Variants in ADAM28 observed in about 807,000 individuals in gnomAD.
ADAM28 encodes ADAM metallopeptidase domain 28, also known as disintegrin and metalloproteinase domain-containing protein 28.
A neutral mutation model predicts 101.2 loss-of-function variants in ADAM28; 105 were observed. The ratio of observed to expected loss-of-function variants is 1.04; its 90% CI spans 0.89 to 1.22. ADAM28 has a LOEUF of 1.22. Among genes scored for constraint, ADAM28 ranks in the 50% most tolerant of loss-of-function variants. The pLI, the probability that ADAM28 is intolerant of heterozygous loss-of-function variation, is 0.00. For missense variants in ADAM28, 1,028 were observed against 945.4 expected (o/e 1.09, Z -1.15); for synonymous variants, 322 against 310.6 (o/e 1.04, Z -0.39).
At chr8:24,331,398 T>G in intron 12 of ADAM28, 71 bp downstream of exon 12, 1 of 1,427,654 alleles carries the variant, frequency 7.0e-7, no homozygotes. Context: ...TACAAAATAA[T>G]GTGTGGCCCG....
rs1813161919 is a variant in ADAM28 at position 24,330,052 on chromosome 8, T to A, written c.1040T>A (p.Met347Lys). 6.2e-7 allele frequency: 1 copy of A among 1,613,794 alleles called. No homozygotes were observed. The highest frequency in any genetic ancestry group is 8.5e-7 in the Non-Finnish European group (1 of 1,179,814). ...MAHEMGHNFG[M>K]FHDDYSCKCP... ...CATGAAATGGGCCACAACTTTGGAA[T>A]GTTTCATGACGACTATTCTTGCAAG... The change falls in exon 11 of 23, where the codon ATG (methionine) becomes AAG (lysine). Residue 347 changes from methionine to lysine, a missense_variant. By Grantham distance (95) the Met-to-Lys change is moderately conservative. Coordinates refer to ENST00000265769, the MANE Select transcript of ADAM28 (RefSeq NM_014265.6).
chr8:24,306,114 G>C (rs1048957262), intron 2 of ADAM28, among the ~76,000 whole-genome samples: 1 of 151,738 alleles, frequency 6.6e-6, no homozygotes, highest in Non-Finnish European at 1.5e-5. Context: ...GAGGCGGGTG[G>C]ATGACGAGGT....
intron 18 of ADAM28, among the ~76,000 whole-genome samples, chr8:24,347,324 CTT>C (rs1275631880): frequency 3.9e-5 from 6 of 151,974 alleles, no homozygotes; most frequent in Non-Finnish European, 7.4e-5. Flanking sequence ...ATTTTATACT[CTT>C]GGGTGATATT....
In ADAM28 at chr8:24,349,881, G is replaced by A. The variant is rs764813938; in HGVS notation, c.2008G>A (p.Gly670Arg). 6.2e-7 allele frequency: 1 copy of A among 1,613,628 alleles called. No homozygotes were observed. Among genetic ancestry groups the A allele is most frequent in the Non-Finnish European group, 8.5e-7 (1 of 1,179,716 alleles). The change falls in exon 19 of 23, where the codon GGG becomes AGG. Residue 670 changes from glycine to arginine, a missense_variant. Physicochemically the swap from Gly to Arg is moderately radical, Grantham distance 125. Transcript: ENST00000265769. ...TGCTGCAGACTTCTCCATTGTGGTT[G>A]GGGTGCTGTTCCCAATGGCGGTCAT... ...SVVFHFSIVV[G>R]VLFPMAVIFV...
At chr8:24,303,790 C>A (rs992783296) in intron 2 of ADAM28, among the ~76,000 whole-genome samples, 14 of 152,040 alleles carry the variant, frequency 9.2e-5, no homozygotes, top group Admixed American at 2.0e-4. Flanking sequence ...AATGTTTTTC[C>A]ATTTGTTTGT....
At chr8:24,339,857 A>G (rs11998324) in intron 15 of ADAM28, among the ~76,000 whole-genome samples, 26,830 of 152,188 alleles carry the variant, frequency 0.18, 2,500 homozygotes, top group East Asian at 0.35. Flanking sequence ...AACATGCCAC[A>G]AAGAATGGGT....
At position 24,329,843 on chromosome 8, in the gene ADAM28, T is replaced by C. The variant is rs541693034; in HGVS notation, c.973-142T>C. 6.4e-5 allele frequency: 54 copies of C among 839,874 alleles called. 2 individuals carry two copies. In the South Asian group the frequency reaches 6.8e-4, roughly 11 times the overall value. 52.0% of individuals were successfully genotyped at this position (839,874 alleles called of 1,614,324 possible). ...GTTCCATTTAGTACTCTCTCTCTCT[T>C]GCTCTGTGTGTGTGTGTGTGTGTGT... On this transcript the variant is annotated intron_variant, in intron 10 of 22. Transcript: ENST00000265769.
chr8:24,339,458 G>T lies in ADAM28; in HGVS notation c.1568-8G>T. 1 of 1,606,862 alleles carries T rather than the reference G, an allele frequency of 6.2e-7. No individual in the cohort carries two copies. The highest frequency in any genetic ancestry group is 8.5e-7 in the Non-Finnish European group (1 of 1,174,988). ...TTTCTTTTCCCTGCTGACTGATCCT[G>T]GTCCCAGGAACTGAGGTTGCAGATA... On this transcript the variant is annotated splice_region_variant and splice_polypyrimidine_tract_variant and intron_variant, in intron 14 of 22. Transcript: ENST00000265769.
At chr8:24,308,886 G>A in intron 2 of ADAM28, 1 of 331,910 alleles carries the variant, frequency 3.0e-6, no homozygotes, top group Admixed American at 4.0e-5. Context: ...GGCCAGAAGG[G>A]GAGGGAGAGA....
At chr8:24,343,289 T>TAA in intron 17 of ADAM28, 108 bp downstream of exon 17, 1 of 1,369,568 alleles carries the variant, frequency 7.3e-7, no homozygotes, top group East Asian at 2.4e-5. Flanking sequence ...TGATAATTAC[T>TAA]AAGTTTATCC....
chr8:24,300,561 G>A (rs6992077), intron 2 of ADAM28, among the ~76,000 whole-genome samples: 4,787 of 151,562 alleles, frequency 0.032, 240 homozygotes, highest in African/African-American at 0.11. Flanking sequence ...GACTGCAGGC[G>A]CCCGCCACCA....
At chr8:24,332,078 G>T (rs1186585127) in intron 12 of ADAM28, among the ~76,000 whole-genome samples, 1 of 152,136 alleles carries the variant, frequency 6.6e-6, no homozygotes, top group Admixed American at 6.5e-5. Flanking sequence ...CTAAAATATT[G>T]TAACCCTGAA....
Position 24,355,308 on chromosome 8 carries a change from A to G in ADAM28, c.*904A>G, listed in dbSNP as rs970138644. Reference sequence around the variant, plus strand: ...GTTGATGGGTAATGTAGCAAACACTATTGGTTTCCTACCAAATAATCCCCT... The same window carrying G: ...GTTGATGGGTAATGTAGCAAACACTGTTGGTTTCCTACCAAATAATCCCCT... On this transcript the variant is annotated 3_prime_UTR_variant, in exon 23 of 23. Transcript: ENST00000265769. 3.9e-5 allele frequency: 6 copies of G among 152,142 alleles called. No homozygotes were observed. Among genetic ancestry groups the G allele is most frequent in the African/African-American group, 1.4e-4 (6 of 41,442 alleles). The allele number at this position is 152,142 out of a possible 1,614,324, so 9.4% of individuals were successfully genotyped here.
chr8:24,349,307 A>G (rs1369479150), intron 18 of ADAM28, among the ~76,000 whole-genome samples: 4 of 152,194 alleles, frequency 2.6e-5, no homozygotes, highest in Non-Finnish European at 5.9e-5. Context: ...ACAAGAAAAA[A>G]CACCATGGAG....
intron 12 of ADAM28, among the ~76,000 whole-genome samples, chr8:24,331,871 G>A (rs1047505161): frequency 2.0e-5 from 3 of 152,144 alleles, no homozygotes; most frequent in Non-Finnish European, 4.4e-5. Flanking sequence ...TCACAGGGCA[G>A]CTGGGATTTT....
intron 13 of ADAM28, among the ~76,000 whole-genome samples, chr8:24,335,087 A>G (rs560447119): frequency 1.8e-4 from 27 of 152,182 alleles, no homozygotes; most frequent in Non-Finnish European, 4.0e-4. Flanking sequence ...TGCAGATTTA[A>G]ATCTCCTTGG....
chr8:24,355,141 T>C lies in ADAM28; in HGVS notation c.*737T>C, dbSNP rs943873353. The C allele has an allele frequency of 2.0e-5, 3 of 152,564 alleles. No homozygotes were observed. The highest frequency in any genetic ancestry group is 4.4e-5 in the Non-Finnish European group (3 of 67,990). 9.5% of individuals were successfully genotyped at this position (152,564 alleles called of 1,614,324 possible). On this transcript the variant is annotated 3_prime_UTR_variant, in exon 23 of 23. Transcript: ENST00000265769. ...ATATTGGACACATAGTACTTTTACA[T>C]GTTTTGAATGTATTGCTAATATTTA...
chr8:24,302,884 A>AG (rs1241846276), intron 2 of ADAM28, among the ~76,000 whole-genome samples: 1 of 150,676 alleles, frequency 6.6e-6, no homozygotes, highest in East Asian at 2.0e-4. Flanking sequence ...CTCATCATTT[A>AG]CATTAGGTAT....
chr8:24,335,519 C>CTGGTA lies in ADAM28; in HGVS notation c.1446_1450dup (p.Asn484MetfsTer24). 2 of 1,614,128 alleles carry CTGGTA rather than the reference C, an allele frequency of 1.2e-6. No individual in the cohort carries two copies. Among genetic ancestry groups the CTGGTA allele is most frequent in the Non-Finnish European group, 1.7e-6 (2 of 1,180,020 alleles). On this transcript the variant is annotated frameshift_variant, in exon 14 of 23. Coordinates refer to ENST00000265769, the MANE Select transcript of ADAM28 (RefSeq NM_014265.6). LOFTEE classifies it high-confidence loss of function. The stretch of plus-strand genomic sequence containing the variant: ...CTGCCTGAAATGTGTAATGGTAAAT[C>CTGGTA]TGGTAATTGTCCTGATGATAGATTC...
Sources: allele counts gnomAD v4.1 joint callset (sites outside exome capture counted in the v4.1 genomes callset), GRCh38; gene constraint gnomAD v4.1.1; transcripts MANE v1.5; gene names NCBI Gene and HGNC (gene_info 2026-07-23, HGNC 2026-07-21).